SASH1: variants seen among roughly 807,000 people sequenced by gnomAD.
The protein encoded by SASH1 is SAM and SH3 domain containing 1, also known as SAM and SH3 domain-containing protein 1.
Under a neutral mutation model 125.2 loss-of-function variants are expected in SASH1, and 44 were observed. The observed-to-expected ratio is 0.35, with a 90% CI of 0.28 to 0.45. The LOEUF (loss-of-function observed/expected upper bound fraction) is 0.45. Ranked by LOEUF, SASH1 falls within the 20% of genes least tolerant of loss-of-function variation. SASH1 has a pLI of 1.00. For synonymous variants in SASH1, 639 were observed against 649.1 expected (o/e 0.98, Z 0.24); for missense variants, 1,426 against 1,614.5 (o/e 0.88, Z 2.00).
At chr6:148,295,446 T>G (rs963294976) in intron 1 of SASH1, among the ~76,000 whole-genome samples, 3 of 152,214 alleles carry the variant, frequency 2.0e-5, no homozygotes, top group Non-Finnish European at 2.9e-5. Context: ...CTGAACAGAA[T>G]GGATGCATTA....
chr6:148,461,698 G>A (rs1022247939), intron 4 of SASH1, among the ~76,000 whole-genome samples: 1 of 152,162 alleles, frequency 6.6e-6, no homozygotes. Flanking sequence ...TGGAGAAAGG[G>A]TGACTCTTGA....
In SASH1 at chr6:148,429,593, AT is replaced by A. The variant is rs540366588; in HGVS notation, c.286-10590del. Among the ~76,000 whole-genome samples the A allele has an allele frequency of 1.8e-3, 270 of 151,954 alleles. 2 individuals carry two copies. The highest frequency in any genetic ancestry group is 6.3e-3 in the African/African-American group (263 of 41,434). On this transcript the variant is annotated intron_variant, in intron 2 of 19. Coordinates refer to ENST00000367467, the MANE Select transcript of SASH1 (RefSeq NM_015278.5). ...TAGCAAGACTCCATCTCTAAAAAAA[AT>A]AAATTAGGCATGGTGGTGTATACCC...
chr6:148,230,893 T>C, the SASH1 span, among the ~76,000 whole-genome samples: 3 of 152,260 alleles, frequency 2.0e-5, no homozygotes, highest in Non-Finnish European at 4.4e-5. Context: ...TTATCAAATA[T>C]ATGATCTGCA....
At chr6:148,439,121 T>C (rs1014884505) in intron 2 of SASH1, among the ~76,000 whole-genome samples, 4 of 152,176 alleles carry the variant, frequency 2.6e-5, no homozygotes, top group African/African-American at 9.7e-5. Context: ...TTATCACAGG[T>C]AATTTGTTTA....
At position 148,477,488 on chromosome 6, in the gene SASH1, C is replaced by T. The variant is rs912183473; in HGVS notation, c.627+3266C>T. Reference sequence around the variant, plus strand: ...GCTCAACATTATTGGTCATCAGAGACATGCAAATCAAAACTACAGTAAGAT... The same window carrying T: ...GCTCAACATTATTGGTCATCAGAGATATGCAAATCAAAACTACAGTAAGAT... On this transcript the variant is annotated intron_variant, in intron 7 of 19. Coordinates refer to ENST00000367467, the MANE Select transcript of SASH1 (RefSeq NM_015278.5). 3.3e-5 allele frequency among the ~76,000 whole-genome samples: 5 copies of T among 152,106 alleles called. No homozygotes were observed. In the South Asian group the frequency reaches 1.0e-3, roughly 32 times the overall value.
chr6:148,457,558 G>A (rs148838223), intron 4 of SASH1, among the ~76,000 whole-genome samples: 2 of 152,126 alleles, frequency 1.3e-5, no homozygotes, highest in African/African-American at 4.8e-5. Flanking sequence ...ATACAGCAAG[G>A]CTAGTTTTTT....
chr6:148,264,767 G>GTCACCTCTGCCTGCCTGCTCCA, the SASH1 span, among the ~76,000 whole-genome samples: 1 of 152,146 alleles, frequency 6.6e-6, no homozygotes, highest in Non-Finnish European at 1.5e-5. Flanking sequence ...GAGCTTAAAT[G>GTCACCTCTGCCTGCCTGCTCCA]TCACCTCTGC....
intron 1 of SASH1, among the ~76,000 whole-genome samples, chr6:148,369,168 G>C (rs1782611065): frequency 1.3e-5 from 2 of 152,202 alleles, no homozygotes; most frequent in Non-Finnish European, 2.9e-5. Flanking sequence ...AAGGTAGAGA[G>C]ACTGGCTGCT....
intron 8 of SASH1, chr6:148,508,836 G>T (rs568317556): frequency 5.5e-6 from 7 of 1,277,874 alleles, no homozygotes; most frequent in Non-Finnish European, 7.2e-6. Flanking sequence ...GGTACAGGAC[G>T]TCTTCAGAAT....
the SASH1 span, among the ~76,000 whole-genome samples, chr6:148,253,009 G>A: frequency 6.6e-5 from 10 of 152,238 alleles, no homozygotes; most frequent in East Asian, 7.7e-4. Flanking sequence ...GGGCAGCCTC[G>A]GCACACGTGC....
intron 1 of SASH1, among the ~76,000 whole-genome samples, chr6:148,353,258 G>C (rs1025233277): frequency 6.6e-6 from 1 of 151,574 alleles, no homozygotes; most frequent in African/African-American, 2.4e-5. Context: ...ATTTTTTCTA[G>C]CATTGGAGGG....
In SASH1 at chr6:148,551,626, A is replaced by G. The variant is rs140822511; in HGVS notation, c.*3068A>G. On this transcript the variant is annotated 3_prime_UTR_variant, in exon 20 of 20. Transcript: ENST00000367467. ...TTCATAACTGCAGCAAAAAAGGTCA[A>G]CTTGCCAAGTCACTGCTGCCATGTG... The G allele has an allele frequency of 2.6e-5, 4 of 152,572 alleles. No homozygotes were observed. Among genetic ancestry groups the G allele is most frequent in the Non-Finnish European group, 4.4e-5 (3 of 68,034 alleles). 9.5% of individuals were successfully genotyped at this position (152,572 alleles called of 1,614,324 possible). A position where few individuals can be genotyped will look rare whatever the true frequency, so the allele number is the denominator to read the frequency against.
intron 8 of SASH1, among the ~76,000 whole-genome samples, chr6:148,505,376 C>A (rs1418946053): frequency 6.6e-6 from 1 of 152,078 alleles, no homozygotes; most frequent in East Asian, 1.9e-4. Context: ...TGCAGTGGCA[C>A]GATTTCGGCT....
chr6:148,243,572 G>C, the SASH1 span, among the ~76,000 whole-genome samples: 1 of 148,278 alleles, frequency 6.7e-6, no homozygotes, highest in Non-Finnish European at 1.5e-5. Flanking sequence ...AAACCCAGGA[G>C]GTGGAGGTTG....
chr6:148,424,675 C>T lies in SASH1; in HGVS notation c.286-15509C>T, dbSNP rs187699108. Reference sequence around the variant, plus strand: ...TGTGAGCCACTGAGTCCAGCCTCCTCTTAACTTTAAAATCCTTAGTCTTGA... The same window carrying T: ...TGTGAGCCACTGAGTCCAGCCTCCTTTTAACTTTAAAATCCTTAGTCTTGA... On this transcript the variant is annotated intron_variant, in intron 2 of 19. Coordinates refer to ENST00000367467, the MANE Select transcript of SASH1 (RefSeq NM_015278.5). Among the ~76,000 whole-genome samples the T allele has an allele frequency of 4.6e-5, 7 of 152,300 alleles. No individual in the cohort carries two copies. In the East Asian group the frequency reaches 1.2e-3, roughly 25 times the overall value.
chr6:148,203,482 CAAT>C, the SASH1 span, among the ~76,000 whole-genome samples: 1 of 152,120 alleles, frequency 6.6e-6, no homozygotes, highest in African/African-American at 2.4e-5. Context: ...GGGTTTCTTC[CAAT>C]AATAACCTTG....
chr6:148,512,659 G>A lies in SASH1; in HGVS notation c.730-1665G>A, dbSNP rs188681183. ...TATATTTTTAGTTTTAAGCCTAATT[G>A]TCAGCATCCAGTGTAGCCTGTCCCC... On this transcript the variant is annotated intron_variant, in intron 8 of 19. Coordinates refer to ENST00000367467, the MANE Select transcript of SASH1 (RefSeq NM_015278.5). The A allele has an allele frequency of 8.1e-6, 8 of 984,518 alleles. No homozygotes were observed. In the East Asian group the frequency reaches 7.9e-4, roughly 98 times the overall value. The allele number at this position is 984,518 out of a possible 1,614,324, so 61.0% of individuals were successfully genotyped here.
At chr6:148,452,673 G>A (rs530859466) in intron 4 of SASH1, among the ~76,000 whole-genome samples, 16 of 150,290 alleles carry the variant, frequency 1.1e-4, no homozygotes, top group East Asian at 4.0e-4. Context: ...TGCCTGGCAC[G>A]CGATAGGTGC....
chr6:148,240,444 C>T, the SASH1 span, among the ~76,000 whole-genome samples: 4 of 152,146 alleles, frequency 2.6e-5, no homozygotes, highest in African/African-American at 9.7e-5. Flanking sequence ...ATGATTAGAA[C>T]ATGGTTATTA....
Sources: allele counts gnomAD v4.1 joint callset (sites outside exome capture counted in the v4.1 genomes callset), GRCh38; gene constraint gnomAD v4.1.1; transcripts MANE v1.5; gene names NCBI Gene and HGNC (gene_info 2026-07-23, HGNC 2026-07-21).